The following LRPAP1 variants were observed in gnomAD, a reference collection of about 807,000 sequenced individuals.
LRPAP1 encodes alpha-2-macroglobulin receptor-associated protein.
Under a neutral mutation model 39.9 loss-of-function variants are expected in LRPAP1, and 41 were observed. That is an observed-to-expected ratio of 1.03 (90% CI 0.80 to 1.33). LRPAP1 has a LOEUF of 1.33. Among genes scored for constraint, LRPAP1 ranks in the 40% most tolerant of loss-of-function variants. LRPAP1 has a pLI of 0.00. For missense variants in LRPAP1, 565 were observed against 482.3 expected (o/e 1.17, Z -1.61); for synonymous variants, 263 against 212.7 (o/e 1.24, Z -2.06).
chr4:3,520,404 G>A (rs182968370), intron 2 of LRPAP1, among the ~76,000 whole-genome samples: 57 of 152,318 alleles, frequency 3.7e-4, no homozygotes, highest in Admixed American at 1.5e-3. Context: ...ACTTAGGAAC[G>A]GGTCTGGCGA....
intron 1 of LRPAP1, among the ~76,000 whole-genome samples, chr4:3,531,388 GAC>G (rs201018219): frequency 2.0e-5 from 3 of 149,762 alleles, no homozygotes; most frequent in African/African-American, 4.9e-5. Context: ...GGACTATTGA[GAC>G]AGAGATCTAA....
At chr4:3,532,011 G>A in intron 1 of LRPAP1, 198 bp downstream of exon 1, 1 of 628,104 alleles carries the variant, frequency 1.6e-6, no homozygotes, top group Non-Finnish European at 2.7e-6. Flanking sequence ...TCGCCGGCAC[G>A]GGTACCTTTC....
intron 5 of LRPAP1, chr4:3,517,697 T>C: frequency 4.7e-6 from 1 of 210,718 alleles, no homozygotes; most frequent in Non-Finnish European, 9.4e-6. Context: ...CGGAGCTATG[T>C]TTGACGAGTG....
rs1266170505 is a variant in LRPAP1 at position 3,505,667 on chromosome 4, G to A, written c.*7307C>T. 6.6e-6 allele frequency among the ~76,000 whole-genome samples: 1 copy of A among 152,146 alleles called. No homozygotes were observed. The highest frequency in any genetic ancestry group is 1.5e-5 in the Non-Finnish European group (1 of 68,018). ...AGCTACCCCAAGACCGTCTATACCA[G>A]CTACCCCAAGACCGTCTATACCAGC... On this transcript the variant is annotated 3_prime_UTR_variant, in exon 8 of 8. Coordinates refer to ENST00000650182, the MANE Select transcript of LRPAP1 (RefSeq NM_002337.4).
At position 3,505,593 on chromosome 4, in the gene LRPAP1, C is replaced by T. The variant is rs140939243; in HGVS notation, c.*7381G>A. Among the ~76,000 whole-genome samples the T allele has an allele frequency of 3.9e-4, 60 of 152,356 alleles. 1 individual carries two copies. Among genetic ancestry groups the T allele is most frequent in the African/African-American group, 1.4e-3 (60 of 41,576 alleles). On this transcript the variant is annotated 3_prime_UTR_variant, in exon 8 of 8. Coordinates refer to ENST00000650182, the MANE Select transcript of LRPAP1 (RefSeq NM_002337.4). ...TGCGCTTCCAGCTGCACCAGCAGCC[C>T]ACACGCCTCCTGAGCACCACTACCA...
intron 4 of LRPAP1, 54 bp from the exon 5 acceptor site, chr4:3,518,246 C>G (rs181650349): frequency 6.4e-7 from 1 of 1,556,728 alleles, no homozygotes; most frequent in African/African-American, 1.4e-5. Flanking sequence ...CACTGCCTGC[C>G]CAGACCACTG....
In LRPAP1 at chr4:3,520,189, G is replaced by A; in HGVS notation, c.354C>T (p.Ile118=). ...EARLIRNLNV[I]LAKYGLDGKK... Reference sequence around the variant, plus strand: ...TTCCGTCCAGACCATACTTGGCCAAGATGACTAGGAGAGAGGGGAGGTTCT... The same window carrying A: ...TTCCGTCCAGACCATACTTGGCCAAAATGACTAGGAGAGAGGGGAGGTTCT... Residue 118 remains isoleucine, a synonymous_variant, in exon 3 of 8, where the codon ATC becomes ATT. Transcript: ENST00000650182. 1 of 1,613,844 alleles carries A rather than the reference G, an allele frequency of 6.2e-7. No homozygotes were observed.
chr4:3,529,063 C>T (rs1455251158), intron 1 of LRPAP1, among the ~76,000 whole-genome samples: 1 of 152,118 alleles, frequency 6.6e-6, no homozygotes, highest in Non-Finnish European at 1.5e-5. Flanking sequence ...GGGACTACAC[C>T]TGTAATCCCA....
Position 3,510,750 on chromosome 4 carries a change from C to A in LRPAP1, c.*2224G>T, listed in dbSNP as rs563244021. ...TGCTGAGCGAATGTAAGCAGATACA[C>A]GCAGACATACACAGACGCACGCAAA... On this transcript the variant is annotated 3_prime_UTR_variant, in exon 8 of 8. Coordinates refer to ENST00000650182, the MANE Select transcript of LRPAP1 (RefSeq NM_002337.4). 3 of 152,148 alleles carry A rather than the reference C, an allele frequency of 2.0e-5. No homozygotes were observed. Among genetic ancestry groups the A allele is most frequent in the African/African-American group, 7.3e-5 (3 of 41,330 alleles). The allele number at this position is 152,148 out of a possible 1,614,324, so 9.4% of individuals were successfully genotyped here.
At chr4:3,519,129 G>T in intron 3 of LRPAP1, 138 bp from the exon 4 acceptor site, 1 of 1,414,258 alleles carries the variant, frequency 7.1e-7, no homozygotes. Context: ...CTCACGAAGG[G>T]CAGGAAAACA....
rs1253239660 is a variant in LRPAP1 at position 3,511,713 on chromosome 4, G to T, written c.*1261C>A. ...ATACGCCTGGTGGAGCCTCTTCCAG[G>T]TTCAAACACGGGAACCACGCTCGGA... On this transcript the variant is annotated 3_prime_UTR_variant, in exon 8 of 8. Coordinates refer to ENST00000650182, the MANE Select transcript of LRPAP1 (RefSeq NM_002337.4). The T allele has an allele frequency of 6.7e-6, 1 of 149,674 alleles. No individual in the cohort carries two copies. The highest frequency in any genetic ancestry group is 1.5e-5 in the Non-Finnish European group (1 of 67,068). The allele number at this position is 149,674 out of a possible 1,614,324, so 9.3% of individuals were successfully genotyped here.
rs997411803 is a variant in LRPAP1, at chr4:3,512,829, A to C, written c.*145T>G. On this transcript the variant is annotated 3_prime_UTR_variant, in exon 8 of 8. Coordinates refer to ENST00000650182, the MANE Select transcript of LRPAP1 (RefSeq NM_002337.4). ...CCTGTGTCGCGACGGCAGCGGCTGC[A>C]GTCACCAGAAACAATCCTTCCTGCC... 9.2e-6 allele frequency: 6 copies of C among 653,868 alleles called. No individual in the cohort carries two copies. In the African/African-American group the frequency reaches 1.1e-4, roughly 12 times the overall value. 40.5% of individuals were successfully genotyped at this position (653,868 alleles called of 1,614,324 possible).
chr4:3,516,207 G>A lies in LRPAP1; in HGVS notation c.752-9C>T, dbSNP rs1214003006. ...CCTGGGCTCCTCGAACTCTGCAGGG[G>A]AGGAGCAAGAGTGGCCTCAGCAGCA... On this transcript the variant is annotated splice_polypyrimidine_tract_variant and intron_variant, in intron 5 of 7. Transcript: ENST00000650182. 4 of 1,561,076 alleles carry A rather than the reference G, an allele frequency of 2.6e-6. No individual in the cohort carries two copies. The highest frequency in any genetic ancestry group is 3.5e-6 in the Non-Finnish European group (4 of 1,152,444).
At chr4:3,517,905 G>T in intron 5 of LRPAP1, 129 bp downstream of exon 5, 1 of 1,181,064 alleles carries the variant, frequency 8.5e-7, no homozygotes, top group Non-Finnish European at 1.2e-6. Context: ...TAGACTGAGC[G>T]CGCCGAGGGT....
In LRPAP1 at chr4:3,520,202, G is replaced by C; in HGVS notation, c.350-9C>G. On this transcript the variant is annotated splice_polypyrimidine_tract_variant and intron_variant, in intron 2 of 7. Coordinates refer to ENST00000650182, the MANE Select transcript of LRPAP1 (RefSeq NM_002337.4). ...ATACTTGGCCAAGATGACTAGGAGA[G>C]AGGGGAGGTTCTATTTGATATGGTT... 1 of 1,612,258 alleles carries C rather than the reference G, an allele frequency of 6.2e-7. No homozygotes were observed.
In LRPAP1 at chr4:3,514,851, C is replaced by G. The variant is rs1320536704; in HGVS notation, c.912G>C (p.Lys304Asn). Residue 304 changes from lysine to asparagine, a missense_variant, in exon 7 of 8, where the codon AAG becomes AAC. Lys to Asn is a moderately conservative substitution (Grantham distance 94, BLOSUM62 0). Transcript: ENST00000650182. The stretch of plus-strand genomic sequence containing the variant: ...CGCCCACGCTCTCTGCGTGCCTCAG[C>G]TTCTCGTGCGCAATCTCCAGCTGCT... ...YQKQLEIAHE[K>N]LRHAESVGDG... 1 of 1,613,844 alleles carries G rather than the reference C, an allele frequency of 6.2e-7. No homozygotes were observed. The highest frequency in any genetic ancestry group is 1.1e-5 in the South Asian group (1 of 91,092).
At chr4:3,525,584 C>T (rs1730056683) in intron 1 of LRPAP1, among the ~76,000 whole-genome samples, 1 of 152,206 alleles carries the variant, frequency 6.6e-6, no homozygotes, top group South Asian at 2.1e-4. Flanking sequence ...GCCCCAGATC[C>T]TTCTGGAGCA....
chr4:3,520,335 C>G, intron 2 of LRPAP1, 142 bp from the exon 3 acceptor site: 1 of 793,664 alleles, frequency 1.3e-6, no homozygotes, highest in Non-Finnish European at 2.0e-6. Flanking sequence ...CCTGGATGAC[C>G]ACTGGAGATC....
Position 3,520,180 on chromosome 4 carries a change from C to A in LRPAP1, c.363G>T (p.Lys121Asn). The change falls in exon 3 of 8, where the codon AAG becomes AAT. Residue 121 changes from lysine to asparagine, a missense_variant. Coordinates refer to ENST00000650182, the MANE Select transcript of LRPAP1 (RefSeq NM_002337.4). The part of the protein sequence containing the change: ...LIRNLNVILA[K>N]YGLDGKKDAR... Reference sequence around the variant, plus strand: ...CGTCCTTCTTTCCGTCCAGACCATACTTGGCCAAGATGACTAGGAGAGAGG... The same window carrying A: ...CGTCCTTCTTTCCGTCCAGACCATAATTGGCCAAGATGACTAGGAGAGAGG... 6.2e-7 allele frequency: 1 copy of A among 1,613,984 alleles called. No homozygotes were observed. Among genetic ancestry groups the A allele is most frequent in the Non-Finnish European group, 8.5e-7 (1 of 1,179,946 alleles).
Sources: allele counts gnomAD v4.1 joint callset (sites outside exome capture counted in the v4.1 genomes callset), GRCh38; gene constraint gnomAD v4.1.1; transcripts MANE v1.5; gene names NCBI Gene and HGNC (gene_info 2026-07-23, HGNC 2026-07-21).